The following KLF17 variants were observed in gnomAD, a reference collection of about 807,000 sequenced individuals.
KLF17 encodes Krueppel-like factor 17.
A neutral mutation model predicts 34.2 loss-of-function variants in KLF17; 31 were observed. The ratio of observed to expected loss-of-function variants is 0.91; its 90% CI spans 0.68 to 1.22. The LOEUF (loss-of-function observed/expected upper bound fraction) is 1.22. Ranked by LOEUF, KLF17 falls within the 50% of genes most tolerant of loss-of-function variation. KLF17 has a pLI of 0.00. For synonymous variants in KLF17, 179 were observed against 186.7 expected (o/e 0.96, Z 0.34); for missense variants, 478 against 505.2 (o/e 0.95, Z 0.52).
chr1:44,092,558 T>C, the KLF17 span, among the ~76,000 whole-genome samples: 1 of 152,082 alleles, frequency 6.6e-6, no homozygotes, highest in Non-Finnish European at 1.5e-5. Flanking sequence ...AGAAAAATGC[T>C]GTAACACAAC....
At chr1:44,056,137 A>G in the KLF17 span, among the ~76,000 whole-genome samples, 1 of 152,202 alleles carries the variant, frequency 6.6e-6, no homozygotes, top group Non-Finnish European at 1.5e-5. Flanking sequence ...CTCTTCTGCA[A>G]TGCATTAGCC....
At chr1:44,090,047 G>A in the KLF17 span, among the ~76,000 whole-genome samples, 2 of 151,114 alleles carry the variant, frequency 1.3e-5, no homozygotes, top group African/African-American at 2.4e-5. Context: ...TGATGCGGGA[G>A]GATCCCTTGA....
At chr1:44,087,061 G>C in the KLF17 span, among the ~76,000 whole-genome samples, 1 of 152,150 alleles carries the variant, frequency 6.6e-6, no homozygotes, top group African/African-American at 2.4e-5. Context: ...GATTTCACAA[G>C]GGTTTGGGTT....
At chr1:44,094,277 T>G in the KLF17 span, among the ~76,000 whole-genome samples, 3 of 152,226 alleles carry the variant, frequency 2.0e-5, no homozygotes, top group Non-Finnish European at 4.4e-5. Context: ...GCAAATATTT[T>G]CCCCCATTCC....
At chr1:44,112,376 A>G in the KLF17 span, among the ~76,000 whole-genome samples, 26 of 151,876 alleles carry the variant, frequency 1.7e-4, no homozygotes, top group African/African-American at 4.1e-4. Flanking sequence ...GCTCTCTCCA[A>G]TGTTTTCTTT....
At chr1:44,109,168 C>T in the KLF17 span, among the ~76,000 whole-genome samples, 1 of 152,130 alleles carries the variant, frequency 6.6e-6, no homozygotes, top group East Asian at 1.9e-4. Context: ...TGAGAAAAGC[C>T]TTAAATCTCA....
At position 44,127,692 on chromosome 1, in the gene KLF17, T is replaced by TTCTTTTTCTTTCTTTC. The variant is rs753421834; in HGVS notation, c.82-1660_82-1659insCTTTTTCTTTCTTTCT. Among the ~76,000 whole-genome samples the TTCTTTTTCTTTCTTTC allele has an allele frequency of 3.9e-3, 354 of 90,074 alleles. 2 individuals are homozygous for TTCTTTTTCTTTCTTTC. Among genetic ancestry groups the TTCTTTTTCTTTCTTTC allele is most frequent in the South Asian group, 5.9e-3 (13 of 2,202 alleles). The allele number at this position is 90,074 out of a possible 152,430, so 59.1% of individuals were successfully genotyped here. ...TTTCTTTCTTTCTTTCTTTCTTTCT[T>TTCTTTTTCTTTCTTTC]TTTCTTTCTTTCTTTCTTTCTTCTC... On this transcript the variant is annotated intron_variant, in intron 1 of 3. Coordinates refer to ENST00000372299, the MANE Select transcript of KLF17 (RefSeq NM_173484.4).
At chr1:44,102,553 CACACAT>C in the KLF17 span, among the ~76,000 whole-genome samples, 347 of 96,892 alleles carry the variant, frequency 3.6e-3, 6 homozygotes, top group African/African-American at 0.012. Context: ...AACTCCATCA[CACACAT>C]ACACATACAC....
the KLF17 span, among the ~76,000 whole-genome samples, chr1:44,059,594 C>A: frequency 6.6e-6 from 1 of 152,104 alleles, no homozygotes; most frequent in Non-Finnish European, 1.5e-5. Flanking sequence ...CCCAAATACC[C>A]AAATCCCTAT....
chr1:44,113,391 G>A, the KLF17 span, among the ~76,000 whole-genome samples: 4 of 152,188 alleles, frequency 2.6e-5, no homozygotes, highest in African/African-American at 4.8e-5. Flanking sequence ...TAAGCAAACA[G>A]GTAATAATGA....
intron 1 of KLF17, among the ~76,000 whole-genome samples, chr1:44,128,937 G>A (rs1352717341): frequency 2.0e-5 from 3 of 152,010 alleles, no homozygotes; most frequent in Admixed American, 1.3e-4. Context: ...ACTTGAACCC[G>A]GGAGACAGAG....
chr1:44,085,231 G>C, the KLF17 span, among the ~76,000 whole-genome samples: 1 of 152,036 alleles, frequency 6.6e-6, no homozygotes, highest in African/African-American at 2.4e-5. Flanking sequence ...TGTTCTAAAG[G>C]GGAAGACAGA....
the KLF17 span, among the ~76,000 whole-genome samples, chr1:44,082,856 T>C: frequency 1.3e-5 from 2 of 151,932 alleles, no homozygotes; most frequent in Admixed American, 6.6e-5. Flanking sequence ...AGCACTGTGA[T>C]AACTGCTTGG....
intron 1 of KLF17, among the ~76,000 whole-genome samples, chr1:44,127,601 C>CCTTT (rs200637895): frequency 0.01 from 1,443 of 137,592 alleles, 40 homozygotes; most frequent in African/African-American, 0.028. Context: ...TGGATCTTTC[C>CCTTT]CTTTCTTTCT....
the KLF17 span, among the ~76,000 whole-genome samples, chr1:44,086,340 C>A: frequency 6.6e-6 from 1 of 152,222 alleles, no homozygotes; most frequent in Non-Finnish European, 1.5e-5. Flanking sequence ...GTGGCGCATG[C>A]CTGTAATCCC....
chr1:44,126,014 G>T lies in KLF17; in HGVS notation c.82-3339G>T, dbSNP rs1473583881. 6.2e-5 allele frequency among the ~76,000 whole-genome samples: 9 copies of T among 144,134 alleles called. No homozygotes were observed. In the East Asian group the frequency reaches 1.6e-3, roughly 25 times the overall value. 94.6% of individuals were successfully genotyped at this position (144,134 alleles called of 152,430 possible). Reference sequence around the variant, plus strand: ...ATAGTTGGAGGACAAGGTTTTTTTTGTTTTGTTTTGTTTTGTTTTGTTTTT... The same window carrying T: ...ATAGTTGGAGGACAAGGTTTTTTTTTTTTTGTTTTGTTTTGTTTTGTTTTT... On this transcript the variant is annotated intron_variant, in intron 1 of 3. Transcript: ENST00000372299.
At chr1:44,118,046 C>G (rs1207804027), upstream of KLF17, among the ~76,000 whole-genome samples, 1 of 152,188 alleles carries the variant, frequency 6.6e-6, no homozygotes, top group Admixed American at 6.5e-5. Flanking sequence ...CAATTTCCTT[C>G]TAGCACCGTT....
the KLF17 span, among the ~76,000 whole-genome samples, chr1:44,068,185 T>G: frequency 6.6e-6 from 1 of 152,070 alleles, no homozygotes; most frequent in African/African-American, 2.4e-5. Flanking sequence ...TCACCATGCC[T>G]GGGTAATTTT....
rs2088084073 is a variant in KLF17, at chr1:44,129,879, C to T, written c.608C>T (p.Ala203Val). 4 of 1,614,108 alleles carry T rather than the reference C, an allele frequency of 2.5e-6. No homozygotes were observed. Among genetic ancestry groups the T allele is most frequent in the Non-Finnish European group, 2.5e-6 (3 of 1,180,056 alleles). Reference protein sequence around the residue: ...GPTVPSTEAQAVLPSMAQMLP... With the variant: ...GPTVPSTEAQVVLPSMAQMLP... ...ACTGTGCCTTCCACTGAGGCCCAGGCAGTGCTCCCCTCCATGGCTCAGATG... is the reference window on the plus strand; with the variant it reads ...ACTGTGCCTTCCACTGAGGCCCAGGTAGTGCTCCCCTCCATGGCTCAGATG... The change falls in exon 2 of 4, where the codon GCA becomes GTA. Residue 203 changes from alanine to valine, a missense_variant. Physicochemically the swap from Ala to Val is moderately conservative, Grantham distance 64 (BLOSUM62 0). Transcript: ENST00000372299.
Sources: allele counts gnomAD v4.1 joint callset (sites outside exome capture counted in the v4.1 genomes callset), GRCh38; gene constraint gnomAD v4.1.1; transcripts MANE v1.5; gene names NCBI Gene and HGNC (gene_info 2026-07-23, HGNC 2026-07-21).